VMP1: variants seen among roughly 807,000 people sequenced by gnomAD.
VMP1 encodes the protein ectopic P-granules autophagy protein 3 homolog.
VMP1 carries 11 observed loss-of-function variants against 56.0 expected under a neutral mutation model. The ratio of observed to expected loss-of-function variants is 0.20; its 90% CI spans 0.12 to 0.32. The LOEUF (loss-of-function observed/expected upper bound fraction) is 0.32, where lower values mean the gene tolerates loss of function less well. Ranked by LOEUF, VMP1 falls within the 10% of genes least tolerant of loss-of-function variation. The probability of loss-of-function intolerance (pLI) is 1.00; values close to 1 mark genes in which losing one functional copy is unlikely to be tolerated. For synonymous variants in VMP1, 149 were observed against 165.0 expected, an observed-to-expected ratio of 0.90 and a Z score of 0.74; for missense variants, 296 against 490.3, an observed-to-expected ratio of 0.60 and a Z score of 3.74.
At chr17:59,832,128 T>C (rs1041960362) in intron 10 of VMP1, among the ~76,000 whole-genome samples, 7 of 151,868 alleles carry the variant, frequency 4.6e-5, no homozygotes, top group African/African-American at 1.5e-4. Context: ...CCCACTAAGA[T>C]TTTTCTACCC....
chr17:59,824,500 G>A (rs1167031219), intron 10 of VMP1, among the ~76,000 whole-genome samples: 6 of 151,276 alleles, frequency 4.0e-5, no homozygotes, highest in Admixed American at 4.0e-4. Flanking sequence ...TTGAACCCGG[G>A]AGGTGGAGAA....
chr17:59,715,492 G>C (rs1304642136), intron 1 of VMP1, among the ~76,000 whole-genome samples: 1 of 152,010 alleles, frequency 6.6e-6, no homozygotes, highest in Non-Finnish European at 1.5e-5. Flanking sequence ...TGGGGGAAAC[G>C]GCCCCCATGA....
chr17:59,731,397 C>A, intron 1 of VMP1, 24 bp from the exon 2 acceptor site: 1 of 1,451,370 alleles, frequency 6.9e-7, no homozygotes, highest in South Asian at 1.3e-5. Flanking sequence ...TAATGTATTG[C>A]TGGATTTTAT....
chr17:59,787,332 C>T (rs1372130709), intron 7 of VMP1, among the ~76,000 whole-genome samples: 1 of 152,112 alleles, frequency 6.6e-6, no homozygotes, highest in Non-Finnish European at 1.5e-5. Flanking sequence ...AATCTTTCTC[C>T]CTTTTAATTT....
intron 11 of VMP1, 21 bp from the exon 12 acceptor site, chr17:59,839,747 G>A (rs1224774769): frequency 1.2e-6 from 2 of 1,602,120 alleles, no homozygotes; most frequent in Non-Finnish European, 1.7e-6. Context: ...TCATTGCATT[G>A]TTCTGCATTT....
intron 10 of VMP1, 34 bp from the exon 11 acceptor site, chr17:59,838,261 T>C (rs1352387471): frequency 1.3e-6 from 2 of 1,579,074 alleles, no homozygotes; most frequent in Admixed American, 1.7e-5. Flanking sequence ...CCCAAATGTG[T>C]CTTTTTCTTT....
intron 9 of VMP1, among the ~76,000 whole-genome samples, chr17:59,817,120 A>T (rs529859564): frequency 1.3e-5 from 2 of 150,408 alleles, no homozygotes; most frequent in Non-Finnish European, 3.0e-5. Context: ...AATACAAAAA[A>T]AAATTAGCTG....
At chr17:59,759,500 G>C (rs1366018148) in intron 5 of VMP1, among the ~76,000 whole-genome samples, 1 of 152,192 alleles carries the variant, frequency 6.6e-6, no homozygotes, top group Non-Finnish European at 1.5e-5. Flanking sequence ...GAATTGGTCT[G>C]ACTTCCTGAG....
intron 7 of VMP1, among the ~76,000 whole-genome samples, chr17:59,807,717 A>G (rs1598423152): frequency 1.3e-5 from 2 of 151,664 alleles, no homozygotes; most frequent in Admixed American, 6.6e-5. Flanking sequence ...CTATGATCCC[A>G]GCTACTGGGA....
chr17:59,838,587 G>C, intron 11 of VMP1, 190 bp downstream of exon 11: 1 of 583,360 alleles, frequency 1.7e-6, no homozygotes. Context: ...TGTAACTTCT[G>C]TACATCTTCT....
chr17:59,788,139 A>G (rs1050555648), intron 7 of VMP1, among the ~76,000 whole-genome samples: 4 of 152,222 alleles, frequency 2.6e-5, no homozygotes, highest in Non-Finnish European at 5.9e-5. Context: ...TAGCAGGGAA[A>G]AAAAGAATAA....
At chr17:59,801,112 ATGTGTGTGTGTGTGTG>A (rs71145573) in intron 7 of VMP1, among the ~76,000 whole-genome samples, 37 of 110,326 alleles carry the variant, frequency 3.4e-4, no homozygotes, top group African/African-American at 1.3e-3. Flanking sequence ...ATATATATAT[ATGTGTGTGTGTGTGTG>A]TGTGTGTGTG....
chr17:59,761,198 G>A (rs189957155), intron 5 of VMP1, among the ~76,000 whole-genome samples: 2 of 152,340 alleles, frequency 1.3e-5, no homozygotes, highest in East Asian at 3.9e-4. Context: ...ACCGCACCCA[G>A]CCCATGTGTT....
chr17:59,717,633 T>G (rs1403109930), intron 1 of VMP1, among the ~76,000 whole-genome samples: 1 of 151,988 alleles, frequency 6.6e-6, no homozygotes, highest in Non-Finnish European at 1.5e-5. Context: ...TCCTCCTACC[T>G]CCCACCTCTG....
At chr17:59,818,543 G>A (rs1439695999) in intron 10 of VMP1, among the ~76,000 whole-genome samples, 1 of 152,192 alleles carries the variant, frequency 6.6e-6, no homozygotes, top group African/African-American at 2.4e-5. Context: ...GGCCAGGGCA[G>A]GCGGATCGCC....
intron 6 of VMP1, among the ~76,000 whole-genome samples, chr17:59,772,335 C>T (rs528262962): frequency 1.5e-3 from 228 of 152,138 alleles, no homozygotes; most frequent in African/African-American, 4.7e-3. Flanking sequence ...TGTAGTTACA[C>T]GTGGAAATTG....
At chr17:59,804,344 C>T (rs1224852262) in intron 7 of VMP1, among the ~76,000 whole-genome samples, 2 of 151,804 alleles carry the variant, frequency 1.3e-5, no homozygotes, top group East Asian at 1.9e-4. Context: ...CCTGGCGCAC[C>T]GGCTCAAGCC....
At chr17:59,713,597 C>T (rs1428666843) in intron 1 of VMP1, among the ~76,000 whole-genome samples, 1 of 150,922 alleles carries the variant, frequency 6.6e-6, no homozygotes, top group African/African-American at 2.4e-5. Flanking sequence ...CCTGTAATCC[C>T]AGAACTTTGG....
At chr17:59,749,601 C>T (rs1031514647) in intron 5 of VMP1, among the ~76,000 whole-genome samples, 5 of 151,798 alleles carry the variant, frequency 3.3e-5, no homozygotes, top group African/African-American at 9.7e-5. Context: ...ATCTCCACCT[C>T]GTGGGTTCAA....
Sources: allele counts gnomAD v4.1 joint callset (sites outside exome capture counted in the v4.1 genomes callset), GRCh38; gene constraint gnomAD v4.1.1; transcripts MANE v1.5; gene names NCBI Gene and HGNC (gene_info 2026-07-23, HGNC 2026-07-21).